The following BMPR2 variants were observed in gnomAD, a reference collection of about 807,000 sequenced individuals.
BMPR2 encodes the protein bone morphogenetic protein receptor type 2, also known as bone morphogenetic protein receptor type-2.
In BMPR2, 29 loss-of-function variants were observed where a neutral mutation model predicts 100.8. That is an observed-to-expected ratio of 0.29 (90% CI 0.21 to 0.39). The LOEUF (loss-of-function observed/expected upper bound fraction) is 0.39, where lower values mean the gene tolerates loss of function less well. Among genes scored for constraint, BMPR2 ranks in the 10% least tolerant of loss-of-function variants. The probability of loss-of-function intolerance (pLI) is 1.00; values close to 1 mark genes in which losing one functional copy is unlikely to be tolerated. For missense variants in BMPR2, 1,011 were observed against 1,274.5 expected (o/e 0.79, Z 3.15); for synonymous variants, 382 against 442.3 (o/e 0.86, Z 1.71).
chr2:202,461,217 G>A (rs532603555), intron 1 of BMPR2, among the ~76,000 whole-genome samples: 2 of 152,188 alleles, frequency 1.3e-5, no homozygotes, highest in South Asian at 4.1e-4. Flanking sequence ...GCCAAGTGCA[G>A]TGGCTCATGC....
At chr2:202,467,845 G>A (rs1194374499) in intron 3 of BMPR2, among the ~76,000 whole-genome samples, 156 bp downstream of exon 3, 1 of 152,004 alleles carries the variant, frequency 6.6e-6, no homozygotes, top group Non-Finnish European at 1.5e-5. Flanking sequence ...GATCACCTGA[G>A]GTCAGAGTTT....
rs569222049 is a variant in BMPR2 at position 202,446,607 on chromosome 2, GAT to G, written c.77-18198_77-18197del. ...TACTCATGATCCTACCACATTTGGG[GAT>G]ATAGTCTGTAGACCCTTTTTGTGCC... On this transcript the variant is annotated intron_variant, in intron 1 of 12. Coordinates refer to ENST00000374580, the MANE Select transcript of BMPR2 (RefSeq NM_001204.7). Among the ~76,000 whole-genome samples the G allele has an allele frequency of 8.8e-4, 132 of 149,886 alleles. 16 individuals are homozygous for G. The highest frequency in any genetic ancestry group is 3.2e-3 in the African/African-American group (127 of 39,432).
chr2:202,469,522 C>G (rs1021497344), intron 3 of BMPR2: 2 of 334,544 alleles, frequency 6.0e-6, no homozygotes, highest in African/African-American at 4.4e-5. Context: ...TTTTGTCACC[C>G]TGGCTAGAGT....
intron 9 of BMPR2, among the ~76,000 whole-genome samples, chr2:202,535,351 T>G (rs1431618304): frequency 2.4e-5 from 3 of 126,858 alleles, no homozygotes; most frequent in African/African-American, 6.2e-5. Flanking sequence ...AGGCAGAGGG[T>G]CTCCTCACTT....
At chr2:202,525,857 CTT>C (rs386392340) in intron 7 of BMPR2, among the ~76,000 whole-genome samples, 4 of 69,362 alleles carry the variant, frequency 5.8e-5, no homozygotes, top group African/African-American at 6.4e-5. Context: ...TTCAGAGCAT[CTT>C]TTTTTTTTTT....
intron 7 of BMPR2, among the ~76,000 whole-genome samples, chr2:202,522,504 C>T (rs1039816211): frequency 3.4e-5 from 5 of 148,222 alleles, no homozygotes; most frequent in African/African-American, 1.2e-4. Context: ...GAGACTCCCT[C>T]TCAAAAAAAA....
chr2:202,445,771 ATT>A (rs759063361), intron 1 of BMPR2, among the ~76,000 whole-genome samples: 14 of 120,024 alleles, frequency 1.2e-4, no homozygotes, highest in African/African-American at 2.1e-4. Flanking sequence ...TACAAACATA[ATT>A]TTTTTTTTTT....
At chr2:202,394,228 T>C (rs2105905588) in intron 1 of BMPR2, among the ~76,000 whole-genome samples, 1 of 152,130 alleles carries the variant, frequency 6.6e-6, no homozygotes, top group South Asian at 2.1e-4. Flanking sequence ...GGCAGGAACC[T>C]GTAATCCCAG....
At position 202,467,800 on chromosome 2, in the gene BMPR2, T is replaced by G; in HGVS notation, c.418+111T>G. On this transcript the variant is annotated intron_variant, in intron 3 of 12. Transcript: ENST00000374580. ...GAAGCCAGGCGTGATGGCTCATGCCTGTAATGCCAGCACTTTGGGAGGCCG... is the reference window on the plus strand; with the variant it reads ...GAAGCCAGGCGTGATGGCTCATGCCGGTAATGCCAGCACTTTGGGAGGCCG... 3.5e-6 allele frequency: 4 copies of G among 1,143,586 alleles called. No homozygotes were observed. The South Asian group carries it at 5.2e-5, about 15-fold the overall frequency. The allele number at this position is 1,143,586 out of a possible 1,614,324, so 70.8% of individuals were successfully genotyped here.
intron 9 of BMPR2, among the ~76,000 whole-genome samples, chr2:202,536,461 A>C (rs914255922): frequency 4.6e-5 from 7 of 152,216 alleles, no homozygotes; most frequent in African/African-American, 1.7e-4. Context: ...ATCAGTGATT[A>C]GTAGATTAAG....
In BMPR2 at chr2:202,436,160, T is replaced by TA. The variant is rs993893391; in HGVS notation, c.77-28648dup. On this transcript the variant is annotated intron_variant, in intron 1 of 12. Transcript: ENST00000374580. The stretch of plus-strand genomic sequence containing the variant: ...TAAACCGGCCATTTTCATGAAAACT[T>TA]AGTTTTATCTTGGCTAGGCACAGTG... Among the ~76,000 whole-genome samples, 10 of 150,912 alleles carry TA rather than the reference T, an allele frequency of 6.6e-5. No homozygotes were observed. The South Asian group carries it at 1.2e-3, about 19-fold the overall frequency.
chr2:202,528,665 A>G (rs753119142), intron 7 of BMPR2, among the ~76,000 whole-genome samples: 4 of 152,220 alleles, frequency 2.6e-5, no homozygotes, highest in Non-Finnish European at 4.4e-5. Flanking sequence ...ATCATCCAAT[A>G]CAAAGTCTAC....
chr2:202,489,901 C>T (rs1429206914), intron 3 of BMPR2, among the ~76,000 whole-genome samples: 2 of 152,204 alleles, frequency 1.3e-5, no homozygotes, highest in Non-Finnish European at 2.9e-5. Flanking sequence ...CAAGCCACCC[C>T]TAAGCTCAGT....
intron 1 of BMPR2, among the ~76,000 whole-genome samples, chr2:202,452,334 G>T (rs1692007216): frequency 6.6e-6 from 1 of 152,040 alleles, no homozygotes; most frequent in Non-Finnish European, 1.5e-5. Context: ...TCCTTTTATT[G>T]CTGAGTAGTA....
chr2:202,412,763 A>AT lies in BMPR2; in HGVS notation c.76+35213_76+35214insT, dbSNP rs570530827. Among the ~76,000 whole-genome samples, 406 of 152,340 alleles carry AT rather than the reference A, an allele frequency of 2.7e-3. 1 individual carries two copies. Among genetic ancestry groups the AT allele is most frequent in the African/African-American group, 8.8e-3 (367 of 41,576 alleles). On this transcript the variant is annotated intron_variant, in intron 1 of 12. Coordinates refer to ENST00000374580, the MANE Select transcript of BMPR2 (RefSeq NM_001204.7). ...GGATACTAGAGTTTATGTAATCATT[A>AT]ACCACATTATTTTAGACATTTTTTT...
At chr2:202,461,892 T>C (rs1692231855) in intron 1 of BMPR2, among the ~76,000 whole-genome samples, 1 of 152,194 alleles carries the variant, frequency 6.6e-6, no homozygotes, top group South Asian at 2.1e-4. Context: ...AATATACTTT[T>C]TTCTTTTTTT....
At chr2:202,424,466 G>A (rs1691341891) in intron 1 of BMPR2, among the ~76,000 whole-genome samples, 1 of 151,850 alleles carries the variant, frequency 6.6e-6, no homozygotes, top group African/African-American at 2.4e-5. Flanking sequence ...TGGAGGCTGA[G>A]GCGGGTGGAT....
intron 3 of BMPR2, among the ~76,000 whole-genome samples, chr2:202,476,782 C>G (rs920547075): frequency 6.6e-6 from 1 of 150,994 alleles, no homozygotes; most frequent in Middle Eastern, 3.2e-3. Flanking sequence ...GAGCGAGACT[C>G]AAAAAAAATA....
intron 1 of BMPR2, among the ~76,000 whole-genome samples, chr2:202,462,229 ATTTTTT>A (rs550364869): frequency 7.4e-6 from 1 of 135,200 alleles, no homozygotes. Context: ...AGGAACCACT[ATTTTTT>A]TTTTTTTTTT....
Sources: allele counts gnomAD v4.1 joint callset (sites outside exome capture counted in the v4.1 genomes callset), GRCh38; gene constraint gnomAD v4.1.1; transcripts MANE v1.5; gene names NCBI Gene and HGNC (gene_info 2026-07-23, HGNC 2026-07-21).